The following VPS8 variants were observed in gnomAD, a reference collection of about 807,000 sequenced individuals.
VPS8 encodes VPS8 subunit of CORVET complex.
In VPS8, 129 loss-of-function variants were observed where a neutral mutation model predicts 216.4. That is an observed-to-expected ratio of 0.60 (90% CI 0.52 to 0.69). The LOEUF is 0.69. Ranked by LOEUF, VPS8 falls within the 30% of genes least tolerant of loss-of-function variation. The pLI, the probability that VPS8 is intolerant of heterozygous loss-of-function variation, is 0.00. For missense variants in VPS8, 1,531 were observed against 1,683.5 expected (o/e 0.91, Z 1.59); for synonymous variants, 571 against 565.4 (o/e 1.01, Z -0.14).
intron 21 of VPS8, among the ~76,000 whole-genome samples, chr3:184,871,552 T>G (rs1000991127): frequency 1.3e-5 from 2 of 152,094 alleles, no homozygotes; most frequent in Non-Finnish European, 2.9e-5. Context: ...TGTTTTTTGA[T>G]TTTTTAAGCA....
In VPS8 at chr3:184,852,475, G is replaced by T. The variant is rs774681527; in HGVS notation, c.754-25G>T. 3.1e-6 allele frequency: 5 copies of T among 1,604,912 alleles called. No individual in the cohort carries two copies. In the African/African-American group the frequency reaches 6.7e-5, roughly 22 times the overall value. ...TACTTGACTGTTTAAAAATGTACAA[G>T]AAAATAAATTCCTTCTCTGTTTAGT... On this transcript the variant is annotated intron_variant, in intron 10 of 47. Transcript: ENST00000625842.
At chr3:184,952,939 A>G (rs944921417) in intron 36 of VPS8, among the ~76,000 whole-genome samples, 7 of 152,214 alleles carry the variant, frequency 4.6e-5, no homozygotes, top group African/African-American at 1.7e-4. Flanking sequence ...CAATGAAAGA[A>G]TGAGCCATAT....
chr3:184,911,912 A>G (rs1736606313), intron 25 of VPS8, among the ~76,000 whole-genome samples: 1 of 152,246 alleles, frequency 6.6e-6, no homozygotes, highest in Non-Finnish European at 1.5e-5. Context: ...TGCTCAAAAG[A>G]TAACACCATA....
At chr3:184,869,657 A>G in intron 20 of VPS8, 129 bp downstream of exon 20, 1 of 810,034 alleles carries the variant, frequency 1.2e-6, no homozygotes, top group Non-Finnish European at 1.9e-6. Context: ...ACACACACAC[A>G]CACAGACACA....
In VPS8 at chr3:184,898,620, A is replaced by G; in HGVS notation, c.2060A>G (p.Asn687Ser). The G allele has an allele frequency of 1.3e-6, 2 of 1,554,616 alleles. No individual in the cohort carries two copies. The highest frequency in any genetic ancestry group is 8.7e-7 in the Non-Finnish European group (1 of 1,148,190). The change falls in exon 24 of 48, where the codon AAC (asparagine) becomes AGC (serine). Residue 687 changes from asparagine (N) to serine (S), a missense_variant. Asn to Ser is a conservative substitution (Grantham distance 46). This residue lies in a region of VPS8 where 1,318 missense variants were observed against 1,468.4 expected (regional missense o/e 0.90). Coordinates refer to ENST00000625842, the MANE Select transcript of VPS8 (RefSeq NM_001009921.3). Reference sequence around the variant, plus strand: ...TATGATGCTATGATCTATGTCTACAACAGAGGCATGAATGAATTTATTAGT... The same window carrying G: ...TATGATGCTATGATCTATGTCTACAGCAGAGGCATGAATGAATTTATTAGT... ...RLYDAMIYVY[N>S]RGMNEFISPM...
intron 8 of VPS8, among the ~76,000 whole-genome samples, chr3:184,844,220 G>A (rs1476197924): frequency 6.6e-6 from 1 of 152,024 alleles, no homozygotes; most frequent in African/African-American, 2.4e-5. Context: ...TCAGTAGTTC[G>A]AGACCAGCCT....
chr3:184,987,459 A>G (rs1215260492), intron 42 of VPS8, among the ~76,000 whole-genome samples: 1 of 151,930 alleles, frequency 6.6e-6, no homozygotes, highest in East Asian at 1.9e-4. Flanking sequence ...CTCTTCCAGA[A>G]TGTCATATAG....
At position 184,882,964 on chromosome 3, in the gene VPS8, G is replaced by T. The variant is rs186997621; in HGVS notation, c.1735-3146G>T. 1.1e-4 allele frequency among the ~76,000 whole-genome samples: 17 copies of T among 152,178 alleles called. No homozygotes were observed. The East Asian group carries it at 1.9e-3, about 17-fold the overall frequency. On this transcript the variant is annotated intron_variant, in intron 21 of 47. Transcript: ENST00000625842. ...TGTCAGTCTTGCTAGAAGTTTGTCA[G>T]TTCTAATCAGGAAGATAAAACACCT...
At chr3:184,843,175 G>T (rs1351664042) in intron 7 of VPS8, 65 bp from the exon 8 acceptor site, 7 of 1,254,818 alleles carry the variant, frequency 5.6e-6, no homozygotes, top group South Asian at 3.7e-5. Context: ...CCTTTTCTTC[G>T]AACTTTTGAA....
chr3:184,835,110 G>T (rs1429406572), intron 5 of VPS8, among the ~76,000 whole-genome samples: 1 of 150,726 alleles, frequency 6.6e-6, no homozygotes, highest in East Asian at 1.9e-4. Context: ...ATGGAGAAAT[G>T]ATTGATCAGA....
chr3:185,016,482 C>G (rs1561131423), intron 45 of VPS8, among the ~76,000 whole-genome samples: 1 of 152,142 alleles, frequency 6.6e-6, no homozygotes, highest in Non-Finnish European at 1.5e-5. Context: ...TTTAACATGC[C>G]TTGTAGCAAC....
intron 16 of VPS8, among the ~76,000 whole-genome samples, chr3:184,863,422 A>AGTACCTGTC (rs1726742636): frequency 6.6e-6 from 1 of 152,238 alleles, no homozygotes; most frequent in Non-Finnish European, 1.5e-5. Context: ...AGCCTGATAG[A>AGTACCTGTC]TTTAAGGGAT....
In VPS8 at chr3:184,834,431, A is replaced by T. The variant is rs1720638189; in HGVS notation, c.354-218A>T. Among the ~76,000 whole-genome samples the T allele has an allele frequency of 2.0e-5, 3 of 152,186 alleles. No homozygotes were observed. In the South Asian group the frequency reaches 6.2e-4, roughly 31 times the overall value. On this transcript the variant is annotated intron_variant, in intron 4 of 47. Transcript: ENST00000625842. ...GAGTTAATGGGTGCAGTACACCAAC[A>T]TGGCACATGTATACATATGTAACAA...
chr3:184,934,782 A>G (rs149670051), intron 34 of VPS8, among the ~76,000 whole-genome samples: 2 of 152,306 alleles, frequency 1.3e-5, no homozygotes, highest in African/African-American at 4.8e-5. Context: ...TAGGATGTTT[A>G]TATCAATATT....
chr3:184,889,154 C>T (rs1731862441), intron 22 of VPS8, among the ~76,000 whole-genome samples: 1 of 152,130 alleles, frequency 6.6e-6, no homozygotes, highest in African/African-American at 2.4e-5. Flanking sequence ...TGAACCACAG[C>T]ATATAACATA....
At chr3:184,966,829 T>A in intron 39 of VPS8, 116 bp downstream of exon 39, 1 of 648,770 alleles carries the variant, frequency 1.5e-6, no homozygotes, top group Non-Finnish European at 2.4e-6. Context: ...GCATAATTAC[T>A]GTTTATTCAT....
chr3:185,016,760 G>T (rs747494390), intron 45 of VPS8, among the ~76,000 whole-genome samples: 3 of 152,104 alleles, frequency 2.0e-5, no homozygotes, highest in Non-Finnish European at 4.4e-5. Context: ...AAAAACTGGA[G>T]AATTCCAAGG....
At chr3:185,039,591 G>T (rs1336565569) in intron 46 of VPS8, among the ~76,000 whole-genome samples, 1 of 151,984 alleles carries the variant, frequency 6.6e-6, no homozygotes, top group Non-Finnish European at 1.5e-5. Flanking sequence ...CAGGAGTCCA[G>T]CTCAAATCTG....
At chr3:184,905,618 C>CT (rs59430187) in intron 25 of VPS8, among the ~76,000 whole-genome samples, 637 of 125,618 alleles carry the variant, frequency 5.1e-3, no homozygotes, top group Admixed American at 8.5e-3. Context: ...AAGCTCAGCT[C>CT]TTTTTTTTTT....
Sources: gnomAD v4.1 joint callset for allele counts (sites outside exome capture counted in the v4.1 genomes callset) on GRCh38, gnomAD v4.1.1 for gene constraint, gnomAD v4.1.1 regional missense constraint, MANE v1.5 for transcripts, NCBI Gene and HGNC (gene_info 2026-07-23, HGNC 2026-07-21) for gene names.